Variants in KIF3B observed in about 807,000 individuals in gnomAD.
KIF3B encodes the protein kinesin family member 3B, also known as kinesin-like protein KIF3B.
In KIF3B, 38 loss-of-function variants were observed where a neutral mutation model predicts 74.3. The observed-to-expected ratio is 0.51, with a 90% CI of 0.39 to 0.67. KIF3B has a LOEUF of 0.67. Among genes scored for constraint, KIF3B ranks in the 30% least tolerant of loss-of-function variants. The pLI is 0.00. For missense variants in KIF3B, 649 were observed against 932.0 expected (o/e 0.70, Z 3.95); for synonymous variants, 326 against 342.5 (o/e 0.95, Z 0.53).
chr20:32,295,528 C>T (rs6058620), intron 1 of KIF3B, among the ~76,000 whole-genome samples: 4,685 of 151,972 alleles, frequency 0.031, 264 homozygotes, highest in African/African-American at 0.11. Context: ...CTCCTGAGAT[C>T]GTGATCCACC....
chr20:32,294,080 C>T (rs183975908), intron 1 of KIF3B, among the ~76,000 whole-genome samples: 1 of 152,264 alleles, frequency 6.6e-6, no homozygotes, highest in East Asian at 1.9e-4. Flanking sequence ...TCTTGGTATA[C>T]TGTGAGTTGT....
Position 32,310,518 on chromosome 20 carries a change from T to A in KIF3B, c.741T>A (p.Ala247=). The change falls in exon 2 of 9, where the codon GCT becomes GCA. Residue 247 remains alanine, a synonymous_variant. Coordinates refer to ENST00000375712, the MANE Select transcript of KIF3B (RefSeq NM_004798.4). The surrounding 1 kb of genome is among the most constrained non-coding windows in gnomAD (Gnocchi z 6.5). The stretch of plus-strand genomic sequence containing the variant: ...GAAAATTGAACCTTGTAGATCTTGC[T>A]GGCAGCGAACGGCAAGCCAAGACCG... ...RVGKLNLVDL[A]GSERQAKTGA... is the part of the protein sequence containing the mutation. 6.2e-7 allele frequency: 1 copy of A among 1,614,026 alleles called. No individual in the cohort carries two copies. The highest frequency in any genetic ancestry group is 8.5e-7 in the Non-Finnish European group (1 of 1,180,038).
rs931761186 is a variant in KIF3B, at chr20:32,334,207, T to C, written c.*2888T>C. ...CCCCCTTTTACTCTGATCTGGAGAA[T>C]GTATCTGGCTTCATATTTTCAAGTC... is the stretch of plus-strand genomic sequence containing the variant. On this transcript the variant is annotated 3_prime_UTR_variant, in exon 9 of 9. Coordinates refer to ENST00000375712, the MANE Select transcript of KIF3B (RefSeq NM_004798.4). 1 of 152,660 alleles carries C rather than the reference T, an allele frequency of 6.6e-6. No individual in the cohort carries two copies. The highest frequency in any genetic ancestry group is 2.4e-5 in the African/African-American group (1 of 41,430). The allele number at this position is 152,660 out of a possible 1,614,324, so 9.5% of individuals were successfully genotyped here.
intron 1 of KIF3B, among the ~76,000 whole-genome samples, chr20:32,306,100 A>G (rs58921650): frequency 0.34 from 50,548 of 147,926 alleles, 10,019 homozygotes; most frequent in East Asian, 0.75. Context: ...AAAAAAAAAA[A>G]AAAGAAAGTT....
rs1030868405 is a variant in KIF3B at position 32,283,771 on chromosome 20, C to G, written c.-66+6006C>G. On this transcript the variant is annotated intron_variant, in intron 1 of 8. Transcript: ENST00000375712. ...GTTGCAGTGAGCTGAGATTGTACCA[C>G]TTCACTCCAGCCTGGGTGACAGAGT... 3.9e-5 allele frequency among the ~76,000 whole-genome samples: 6 copies of G among 152,206 alleles called. No homozygotes were observed. The East Asian group carries it at 9.7e-4, about 25-fold the overall frequency.
intron 1 of KIF3B, among the ~76,000 whole-genome samples, chr20:32,279,434 C>G (rs1379050480): frequency 1.3e-5 from 2 of 151,738 alleles, no homozygotes; most frequent in African/African-American, 4.8e-5. Flanking sequence ...ATAGATACCA[C>G]CCAAAGTGAG....
At chr20:32,295,637 T>C (rs1303047083) in intron 1 of KIF3B, among the ~76,000 whole-genome samples, 1 of 151,850 alleles carries the variant, frequency 6.6e-6, no homozygotes, top group Non-Finnish European at 1.5e-5. Context: ...ACAGAATATA[T>C]TTCATTACTT....
chr20:32,282,038 G>T (rs1489787560), intron 1 of KIF3B, among the ~76,000 whole-genome samples: 3 of 152,184 alleles, frequency 2.0e-5, no homozygotes, highest in African/African-American at 7.2e-5. Context: ...TCTAAAAGCT[G>T]TGGAAATCAT....
chr20:32,322,698 A>ATG (rs34344607), intron 5 of KIF3B, among the ~76,000 whole-genome samples: 1 of 42,928 alleles, frequency 2.3e-5, no homozygotes, highest in Non-Finnish European at 3.9e-5. Flanking sequence ...ATTTATATAT[A>ATG]TTTATATATT....
intron 2 of KIF3B, among the ~76,000 whole-genome samples, chr20:32,314,440 T>G (rs2047817171): frequency 6.6e-6 from 1 of 151,744 alleles, no homozygotes; most frequent in South Asian, 2.1e-4. Flanking sequence ...CTTGGGAGGC[T>G]GAGGCACGAG....
intron 1 of KIF3B, among the ~76,000 whole-genome samples, chr20:32,281,352 C>T (rs547690715): frequency 7.2e-5 from 11 of 152,148 alleles, no homozygotes; most frequent in East Asian, 3.8e-4. Context: ...CTATCCTGCC[C>T]GGATTGTATT....
rs189123038 is a variant in KIF3B, at chr20:32,331,497, C to G, written c.*178C>G. The G allele has an allele frequency of 2.9e-4, 164 of 564,046 alleles. No homozygotes were observed. Among genetic ancestry groups the G allele is most frequent in the Non-Finnish European group, 2.2e-5 (7 of 324,906 alleles). The allele number at this position is 564,046 out of a possible 1,614,324, so 34.9% of individuals were successfully genotyped here. ...TGAACGTGCTGTTCCTAATCTGGCA[C>G]TCAGCCCCTCTGGGAAACATCTTTT... On this transcript the variant is annotated 3_prime_UTR_variant, in exon 9 of 9. Transcript: ENST00000375712.
chr20:32,299,379 G>GTGTGTATATATATA (rs1187264463), intron 1 of KIF3B, among the ~76,000 whole-genome samples: 15 of 23,090 alleles, frequency 6.5e-4, no homozygotes, highest in Admixed American at 2.1e-3. Flanking sequence ...TGGTGTGTGT[G>GTGTGTATATATATA]TATATATATA....
At chr20:32,315,131 C>T (rs2047820750) in intron 2 of KIF3B, among the ~76,000 whole-genome samples, 1 of 152,208 alleles carries the variant, frequency 6.6e-6, no homozygotes, top group Non-Finnish European at 1.5e-5. Flanking sequence ...TCCCTCCATC[C>T]TGCCAGTCCT....
intron 7 of KIF3B, among the ~76,000 whole-genome samples, chr20:32,327,866 A>G (rs189559931): frequency 4.6e-5 from 7 of 152,284 alleles, no homozygotes; most frequent in Admixed American, 4.6e-4. Context: ...TTGAGAGTCC[A>G]AGGTGGGCAG....
intron 1 of KIF3B, among the ~76,000 whole-genome samples, chr20:32,288,418 G>A (rs2073056996): frequency 6.6e-6 from 1 of 152,148 alleles, no homozygotes; most frequent in Non-Finnish European, 1.5e-5. Flanking sequence ...AGGAGTTCAA[G>A]GCTACAGTGA....
rs542236927 is a variant in KIF3B, at chr20:32,283,109, C to T, written c.-66+5344C>T. 5.3e-5 allele frequency among the ~76,000 whole-genome samples: 8 copies of T among 152,204 alleles called. No homozygotes were observed. In the South Asian group the frequency reaches 1.7e-3, roughly 31 times the overall value. On this transcript the variant is annotated intron_variant, in intron 1 of 8. Transcript: ENST00000375712. ...GGAATGCAGTGGTGTGATCATGGCT[C>T]CCCCACAGCCTTGAACTCCTGGGCT...
rs1016170620 is a variant in KIF3B, at chr20:32,334,260, A to T, written c.*2941A>T. The T allele has an allele frequency of 6.5e-6, 1 of 152,732 alleles. No homozygotes were observed. The highest frequency in any genetic ancestry group is 1.5e-5 in the Non-Finnish European group (1 of 68,156). The allele number at this position is 152,732 out of a possible 1,614,324, so 9.5% of individuals were successfully genotyped here. A position where few individuals can be genotyped will look rare whatever the true frequency, so the allele number is the denominator to read the frequency against. ...ATGTCTCTCAGACCCCTGGATTCAG[A>T]ACCCAAGGCCACAAATCATAGGCAT... On this transcript the variant is annotated 3_prime_UTR_variant, in exon 9 of 9. Transcript: ENST00000375712.
chr20:32,304,629 G>T (rs766646468), intron 1 of KIF3B, among the ~76,000 whole-genome samples: 1 of 152,166 alleles, frequency 6.6e-6, no homozygotes, highest in Admixed American at 6.6e-5. Flanking sequence ...TGTATTTACC[G>T]AAGGAATGAA....
Sources: gnomAD v4.1 joint callset for allele counts (sites outside exome capture counted in the v4.1 genomes callset) on GRCh38, gnomAD v4.1.1 for gene constraint, Gnocchi (gnomAD v3.1) non-coding constraint, MANE v1.5 for transcripts, NCBI Gene and HGNC (gene_info 2026-07-23, HGNC 2026-07-21) for gene names.